Variants in CHD7 observed in about 807,000 individuals in gnomAD.
CHD7 encodes chromodomain helicase DNA binding protein 7.
In CHD7, 24 loss-of-function variants were observed where a neutral mutation model predicts 307.3. That is an observed-to-expected ratio of 0.08 (90% CI 0.06 to 0.11). The LOEUF (loss-of-function observed/expected upper bound fraction) is 0.11, where lower values mean the gene tolerates loss of function less well. Among genes scored for constraint, CHD7 ranks in the 10% least tolerant of loss-of-function variants. The probability of loss-of-function intolerance (pLI) is 1.00; values close to 1 mark genes in which losing one functional copy is unlikely to be tolerated. For synonymous variants in CHD7, 1,363 were observed against 1,349.9 expected, an observed-to-expected ratio of 1.01 and a Z score of -0.21; for missense variants, 3,106 against 3,727.1, an observed-to-expected ratio of 0.83 and a Z score of 4.34.
At chr8:60,698,181 A>G (rs1465766680) in intron 1 of CHD7, among the ~76,000 whole-genome samples, 1 of 152,258 alleles carries the variant, frequency 6.6e-6, no homozygotes, top group African/African-American at 2.4e-5. Flanking sequence ...CCTTGTACAT[A>G]AGCAAAAGTA....
intron 1 of CHD7, among the ~76,000 whole-genome samples, chr8:60,727,558 G>A (rs1369063674): frequency 2.0e-5 from 3 of 152,036 alleles, no homozygotes; most frequent in African/African-American, 7.2e-5. Flanking sequence ...TGGTTGGTTG[G>A]TCACTTCCTT....
Position 60,838,116 on chromosome 8 carries a change from G to A in CHD7, c.4394G>A (p.Arg1465Gln), listed in dbSNP as rs373095697. 8.5e-6 allele frequency: 13 copies of A among 1,534,660 alleles called. No homozygotes were observed. The highest frequency in any genetic ancestry group is 4.4e-6 in the Non-Finnish European group (5 of 1,140,686). Residue 1465 changes from arginine to glutamine, a missense_variant, in exon 19 of 38, where the codon CGA (arginine) becomes CAA (glutamine). This residue lies in a region of CHD7 where 93 missense variants were observed against 176.4 expected (regional missense o/e 0.53). Transcript: ENST00000423902. ...AAGAAAGAAATAGAGGATCTTCTACGAAAAGGGGCCTATGGTGCACTCATG... is the reference window on the plus strand; with the variant it reads ...AAGAAAGAAATAGAGGATCTTCTACAAAAAGGGGCCTATGGTGCACTCATG... ...LSKKEIEDLL[R>Q]KGAYGALMDE...
chr8:60,761,055 C>A (rs1020997377), intron 2 of CHD7, among the ~76,000 whole-genome samples: 2 of 151,944 alleles, frequency 1.3e-5, no homozygotes, highest in African/African-American at 2.4e-5. Flanking sequence ...ATGTTTACTG[C>A]GGCATTATTC....
At chr8:60,767,594 T>G in intron 2 of CHD7, among the ~76,000 whole-genome samples, 1 of 152,208 alleles carries the variant, frequency 6.6e-6, no homozygotes, top group East Asian at 1.9e-4. Flanking sequence ...TGCAGCCACA[T>G]GCTCAGCTGT....
chr8:60,809,832 A>C (rs946605061), intron 7 of CHD7, among the ~76,000 whole-genome samples: 2 of 152,140 alleles, frequency 1.3e-5, no homozygotes, highest in Non-Finnish European at 2.9e-5. Flanking sequence ...AGTACAAAGA[A>C]TTTCTGTTTT....
intron 1 of CHD7, among the ~76,000 whole-genome samples, chr8:60,694,585 CA>C (rs1469263582): frequency 6.6e-6 from 1 of 152,218 alleles, no homozygotes; most frequent in Admixed American, 6.5e-5. Context: ...AGGGTCCTGG[CA>C]GGGAGCAGGT....
At position 60,786,568 on chromosome 8, in the gene CHD7, C is replaced by A. The variant is rs576706798; in HGVS notation, c.2096+5138C>A. On this transcript the variant is annotated intron_variant, in intron 3 of 37. Transcript: ENST00000423902. Reference sequence around the variant, plus strand: ...CACTTTCAACTTCCACTGCACCTATCAAATGGAAGTTCAGGTGTAAGGAGG... The same window carrying A: ...CACTTTCAACTTCCACTGCACCTATAAAATGGAAGTTCAGGTGTAAGGAGG... Among the ~76,000 whole-genome samples the A allele has an allele frequency of 1.7e-3, 254 of 151,748 alleles. 1 individual carries two copies. Among genetic ancestry groups the A allele is most frequent in the Non-Finnish European group, 1.8e-3 (119 of 67,862 alleles).
intron 1 of CHD7, among the ~76,000 whole-genome samples, chr8:60,708,340 C>T (rs750252582): frequency 2.6e-5 from 4 of 152,162 alleles, no homozygotes; most frequent in Non-Finnish European, 5.9e-5. Flanking sequence ...TCCTCTGTAT[C>T]CAGAATGTTG....
intron 1 of CHD7, among the ~76,000 whole-genome samples, chr8:60,686,677 C>T (rs1805912675): frequency 6.6e-6 from 1 of 152,154 alleles, no homozygotes; most frequent in Admixed American, 6.5e-5. Context: ...GTTTCCACAC[C>T]CACCCTTTGT....
rs559137475 is a variant in CHD7, at chr8:60,725,408, T to C, written c.-174-15851T>C. ...CAAAGTGTACCATCAAGACAGATGA[T>C]AGCAGAGAGTTGAATTTTTATATAT... On this transcript the variant is annotated intron_variant, in intron 1 of 37. Transcript: ENST00000423902. Among the ~76,000 whole-genome samples the C allele has an allele frequency of 4.6e-5, 7 of 152,372 alleles. No homozygotes were observed. In the South Asian group the frequency reaches 1.4e-3, roughly 32 times the overall value.
intron 4 of CHD7, among the ~76,000 whole-genome samples, chr8:60,798,402 G>A (rs1041244079): frequency 1.3e-5 from 2 of 152,212 alleles, no homozygotes; most frequent in African/African-American, 4.8e-5. Flanking sequence ...GCTGTGTGTG[G>A]CTTGGAGCTA....
intron 16 of CHD7, 85 bp downstream of exon 16, chr8:60,836,368 C>A: frequency 8.8e-7 from 1 of 1,133,178 alleles, no homozygotes; most frequent in Non-Finnish European, 1.2e-6. Flanking sequence ...AAAGTGGAAT[C>A]TATGATAAAG....
rs112629399 is a variant in CHD7 at position 60,810,380 on chromosome 8, AGTGTGTGTGT to A, written c.2498+2129_2498+2138del. Among the ~76,000 whole-genome samples the A allele has an allele frequency of 2.5e-4, 36 of 146,090 alleles. No individual in the cohort carries two copies. In the Middle Eastern group the frequency reaches 0.011, roughly 43 times the overall value. ...GTGGATAGGACTGGGAGAGAGAGAG[AGTGTGTGTGT>A]GTGTGTGTGTGTGTGTGTGTATCGA... On this transcript the variant is annotated intron_variant, in intron 7 of 37. Transcript: ENST00000423902.
chr8:60,828,580 A>G, intron 13 of CHD7, 83 bp from the exon 14 acceptor site: 1 of 1,304,818 alleles, frequency 7.7e-7, no homozygotes, highest in East Asian at 2.5e-5. Flanking sequence ...GGAGTAGAAC[A>G]ATGGGTGTCT....
rs747082615 is a variant in CHD7 at position 60,862,323 on chromosome 8, G to A, written c.7958G>A (p.Arg2653Gln). Residue 2653 changes from arginine to glutamine, a missense_variant, in exon 36 of 38, where the codon CGA (arginine) becomes CAA (glutamine). Arg to Gln is a conservative substitution (Grantham distance 43, BLOSUM62 1). Coordinates refer to ENST00000423902, the MANE Select transcript of CHD7 (RefSeq NM_017780.4). ...GEERVPVVNK[R>Q]NGKKMGGAMA... ...GAAAGGGTGCCTGTTGTCAATAAAC[G>A]AAATGGGAAGAAGGTAAACGCTGGG... 1.1e-5 allele frequency: 17 copies of A among 1,602,752 alleles called. No homozygotes were observed. The highest frequency in any genetic ancestry group is 3.5e-5 in the Admixed American group (2 of 57,692).
intron 7 of CHD7, among the ~76,000 whole-genome samples, chr8:60,813,189 TCC>T (rs1408640011): frequency 1.3e-5 from 2 of 152,318 alleles, no homozygotes; most frequent in Non-Finnish European, 2.9e-5. Context: ...CTCTAACATA[TCC>T]CCTTATTGGT....
At chr8:60,859,896 A>G (rs191248027) in intron 34 of CHD7, among the ~76,000 whole-genome samples, 8 of 152,266 alleles carry the variant, frequency 5.3e-5, no homozygotes, top group Admixed American at 5.2e-4. Context: ...AATTTTTTGA[A>G]CTGGGAAGGG....
intron 19 of CHD7, 97 bp downstream of exon 19, chr8:60,838,352 A>C: frequency 1.0e-6 from 1 of 1,002,186 alleles, no homozygotes; most frequent in South Asian, 1.6e-5. Context: ...TGCATTGGGA[A>C]TTAATCAAAT....
At position 60,851,262 on chromosome 8, in the gene CHD7, G is replaced by C. The variant is rs1315226690; in HGVS notation, c.5608G>C (p.Glu1870Gln). The C allele has an allele frequency of 6.4e-7, 1 of 1,553,954 alleles. No homozygotes were observed. Among genetic ancestry groups the C allele is most frequent in the Non-Finnish European group, 8.7e-7 (1 of 1,147,960 alleles). Reference sequence around the variant, plus strand: ...TTCTGTTTCTTGCTTTGCTTTCAAGGAATTTGCAAATTCTCCTTCAGAGGA... The same window carrying C: ...TTCTGTTTCTTGCTTTGCTTTCAAGCAATTTGCAAATTCTCCTTCAGAGGA... ...TRTPFKDEID[E>Q]FANSPSEDKE... Residue 1870 changes from glutamate (E) to glutamine (Q), a missense_variant and splice_region_variant, in exon 28 of 38, where the codon GAA becomes CAA. Physicochemically the swap from Glu to Gln is conservative, Grantham distance 29. This residue lies in a region of CHD7 where 1,030 missense variants were observed against 1,165.4 expected (regional missense o/e 0.88). Transcript: ENST00000423902.
Sources: allele counts gnomAD v4.1 joint callset (sites outside exome capture counted in the v4.1 genomes callset), GRCh38; gene constraint gnomAD v4.1.1; regional missense constraint gnomAD v4.1.1; transcripts MANE v1.5; gene names NCBI Gene and HGNC (gene_info 2026-07-23, HGNC 2026-07-21).